Variants in PTN observed in about 807,000 individuals in gnomAD.
The protein encoded by PTN is heparin affin regulatory protein.
In PTN, 18 loss-of-function variants were observed where a neutral mutation model predicts 24.1. The observed-to-expected ratio is 0.75, with a 90% CI of 0.52 to 1.11. PTN has a LOEUF of 1.11. Among genes scored for constraint, PTN ranks in the 50% least tolerant of loss-of-function variants. The pLI is 0.00. For missense variants in PTN, 163 were observed against 198.8 expected, an observed-to-expected ratio of 0.82 and a Z score of 1.08; for synonymous variants, 78 against 68.6, an observed-to-expected ratio of 1.14 and a Z score of -0.67.
At chr7:137,328,300 G>T (rs192572849) in intron 1 of PTN, among the ~76,000 whole-genome samples, 335 of 152,210 alleles carry the variant, frequency 2.2e-3, no homozygotes, top group Non-Finnish European at 3.5e-3. Flanking sequence ...TCTCAAACCT[G>T]AATCATAAAA....
intron 1 of PTN, among the ~76,000 whole-genome samples, chr7:137,266,322 T>C (rs1809143709): frequency 6.6e-6 from 1 of 152,204 alleles, no homozygotes; most frequent in South Asian, 2.1e-4. Flanking sequence ...TAGGTAAAAA[T>C]CCACATTCTT....
At chr7:137,338,277 A>T (rs578068596) in intron 1 of PTN, among the ~76,000 whole-genome samples, 1 of 152,318 alleles carries the variant, frequency 6.6e-6, no homozygotes, top group Admixed American at 6.5e-5. Flanking sequence ...CCTGAAAAGG[A>T]CATCTACAGG....
At chr7:137,340,657 G>A (rs539054955) in intron 1 of PTN, among the ~76,000 whole-genome samples, 1 of 152,272 alleles carries the variant, frequency 6.6e-6, no homozygotes, top group African/African-American at 2.4e-5. Context: ...AAAACTCTTC[G>A]ACTATTCATT....
At position 137,253,555 on chromosome 7, in the gene PTN, T is replaced by C; in HGVS notation, c.198A>G (p.Thr66=). Residue 66 remains threonine (T), a synonymous_variant, in exon 3 of 5, where the codon ACA becomes ACG. Transcript: ENST00000348225. ...VPTSGDCGLG[T]REGTRTGAEC... ...CAGCTCCAGTCCGAGTGCCCTCCCG[T>C]GTGCCCAGCCCACAGTCTCCACTGG... 1.9e-6 allele frequency: 3 copies of C among 1,612,548 alleles called. No individual in the cohort carries two copies. Among genetic ancestry groups the C allele is most frequent in the Non-Finnish European group, 2.5e-6 (3 of 1,179,300 alleles).
At chr7:137,275,566 A>T (rs1809346998) in intron 1 of PTN, among the ~76,000 whole-genome samples, 1 of 152,178 alleles carries the variant, frequency 6.6e-6, no homozygotes, top group Admixed American at 6.5e-5. Flanking sequence ...CTAAAAGCAA[A>T]GTGTTTATGA....
intron 1 of PTN, among the ~76,000 whole-genome samples, chr7:137,278,942 G>GAATAATAAT (rs1216114094): frequency 1.6e-5 from 1 of 60,954 alleles, no homozygotes; most frequent in Non-Finnish European, 3.3e-5. Flanking sequence ...CTCCATCTCA[G>GAATAATAAT]AACAATAATA....
intron 4 of PTN, among the ~76,000 whole-genome samples, chr7:137,244,533 C>T (rs2128869764): frequency 6.6e-6 from 1 of 152,014 alleles, no homozygotes; most frequent in South Asian, 2.1e-4. Flanking sequence ...CTCCCCCCTC[C>T]TCCCACCCCA....
At chr7:137,302,291 C>T (rs1208689792) in intron 1 of PTN, among the ~76,000 whole-genome samples, 1 of 151,954 alleles carries the variant, frequency 6.6e-6, no homozygotes, top group Non-Finnish European at 1.5e-5. Flanking sequence ...AGAAACAAAA[C>T]AGAGGCAACG....
chr7:137,250,085 A>T (rs1808797039), intron 4 of PTN, among the ~76,000 whole-genome samples: 1 of 152,132 alleles, frequency 6.6e-6, no homozygotes, highest in African/African-American at 2.4e-5. Context: ...TTTCTCTGGC[A>T]GTATGAATTT....
intron 1 of PTN, among the ~76,000 whole-genome samples, chr7:137,256,582 T>G (rs1808929875): frequency 6.6e-6 from 1 of 152,208 alleles, no homozygotes; most frequent in South Asian, 2.1e-4. Flanking sequence ...AGCTTTTGGG[T>G]TGGTTCAATG....
At chr7:137,331,345 G>A (rs1810355046) in intron 1 of PTN, among the ~76,000 whole-genome samples, 2 of 152,136 alleles carry the variant, frequency 1.3e-5, no homozygotes, top group Non-Finnish European at 2.9e-5. Context: ...TCACGTATCA[G>A]AAGGCAAACT....
At chr7:137,331,240 C>T (rs987789372) in intron 1 of PTN, among the ~76,000 whole-genome samples, 2 of 152,202 alleles carry the variant, frequency 1.3e-5, no homozygotes, top group African/African-American at 2.4e-5. Context: ...AAATCCACAT[C>T]TACCCCCTTA....
At chr7:137,292,050 C>T (rs919342573) in intron 1 of PTN, among the ~76,000 whole-genome samples, 3 of 152,084 alleles carry the variant, frequency 2.0e-5, no homozygotes, top group Non-Finnish European at 2.9e-5. Flanking sequence ...TATGAGAAAC[C>T]GTCAGTCTTT....
intron 1 of PTN, among the ~76,000 whole-genome samples, chr7:137,280,504 T>C (rs1270579841): frequency 6.6e-6 from 1 of 150,572 alleles, no homozygotes; most frequent in African/African-American, 2.4e-5. Flanking sequence ...ATTAGGGGAC[T>C]TAAGGGTAGC....
intron 1 of PTN, among the ~76,000 whole-genome samples, chr7:137,269,223 T>G (rs1809221360): frequency 6.6e-6 from 1 of 152,244 alleles, no homozygotes; most frequent in African/African-American, 2.4e-5. Context: ...TTTCACGTTC[T>G]GTTCTCTTCT....
intron 1 of PTN, among the ~76,000 whole-genome samples, chr7:137,273,828 A>G (rs1585024118): frequency 6.6e-6 from 1 of 152,116 alleles, no homozygotes; most frequent in Admixed American, 6.5e-5. Context: ...ACCCTAAGTT[A>G]CCACCAAGGG....
At chr7:137,270,989 G>A (rs1258956529) in intron 1 of PTN, among the ~76,000 whole-genome samples, 1 of 152,008 alleles carries the variant, frequency 6.6e-6, no homozygotes, top group Non-Finnish European at 1.5e-5. Context: ...AGACAAGAAG[G>A]CCTCCAAGCT....
intron 1 of PTN, among the ~76,000 whole-genome samples, chr7:137,291,617 C>T (rs1809640176): frequency 6.6e-6 from 1 of 152,002 alleles, no homozygotes; most frequent in African/African-American, 2.4e-5. Flanking sequence ...GTATCAAGTG[C>T]CAGTTGACAT....
intron 1 of PTN, among the ~76,000 whole-genome samples, chr7:137,279,688 C>T (rs867900495): frequency 6.6e-6 from 1 of 151,980 alleles, no homozygotes; most frequent in East Asian, 1.9e-4. Flanking sequence ...TTGTCATATA[C>T]AAGGGTTACG....
Sources: allele counts gnomAD v4.1 joint callset (sites outside exome capture counted in the v4.1 genomes callset), GRCh38; gene constraint gnomAD v4.1.1; transcripts MANE v1.5; gene names NCBI Gene and HGNC (gene_info 2026-07-23, HGNC 2026-07-21).